Variants in CABLES1 observed in about 807,000 individuals in gnomAD.
CABLES1 encodes CDK5 and ABL1 enzyme substrate 1.
Under a neutral mutation model 57.8 loss-of-function variants are expected in CABLES1, and 36 were observed. The ratio of observed to expected loss-of-function variants is 0.62; its 90% CI spans 0.48 to 0.82. The LOEUF (loss-of-function observed/expected upper bound fraction) is 0.82, where lower values mean the gene tolerates loss of function less well. Among genes scored for constraint, CABLES1 ranks in the 40% least tolerant of loss-of-function variants. The pLI, the probability that CABLES1 is intolerant of heterozygous loss-of-function variation, is 0.00. For missense variants in CABLES1, 767 were observed against 836.6 expected (o/e 0.92, Z 1.03); for synonymous variants, 374 against 363.0 (o/e 1.03, Z -0.35).
chr18:23,194,915 G>T (rs73968819), intron 3 of CABLES1, among the ~76,000 whole-genome samples: 147 of 152,222 alleles, frequency 9.7e-4, no homozygotes, highest in African/African-American at 3.2e-3. Flanking sequence ...TGTGTGCTCT[G>T]GTCAATAAAT....
intron 1 of CABLES1, among the ~76,000 whole-genome samples, chr18:23,173,978 AAAAT>A (rs1295362910): frequency 1.3e-5 from 2 of 152,186 alleles, no homozygotes; most frequent in Non-Finnish European, 2.9e-5. Flanking sequence ...ATAAAAATAA[AAAAT>A]AAAGTTATTG....
In CABLES1 at chr18:23,135,605, G is replaced by A. The variant is rs1457521935; in HGVS notation, c.-158G>A. On this transcript the variant is annotated 5_prime_UTR_variant, in exon 1 of 10. Coordinates refer to ENST00000256925, the MANE Select transcript of CABLES1 (RefSeq NM_001100619.3). ...GCCCCCATCCCCAGCACCGAGGGGC[G>A]AGCATGGCCCGCCCGCGGGGGGGCT... The A allele has an allele frequency of 4.7e-6, 2 of 427,882 alleles. No homozygotes were observed. The highest frequency in any genetic ancestry group is 4.3e-5 in the African/African-American group (2 of 46,162). The allele number at this position is 427,882 out of a possible 1,614,324, so 26.5% of individuals were successfully genotyped here.
chr18:23,141,320 A>G lies in CABLES1; in HGVS notation c.845+4713A>G, dbSNP rs77316528. On this transcript the variant is annotated intron_variant, in intron 1 of 9. Transcript: ENST00000256925. ...TGGAGGAAATCCAGGCTTGTGCTGTAATTGTAATCTATGTCTTGACTGAAA... is the reference window on the plus strand; with the variant it reads ...TGGAGGAAATCCAGGCTTGTGCTGTGATTGTAATCTATGTCTTGACTGAAA... Among the ~76,000 whole-genome samples, 1,482 of 152,290 alleles carry G rather than the reference A, an allele frequency of 9.7e-3. 20 individuals are homozygous for G. The highest frequency in any genetic ancestry group is 0.034 in the African/African-American group (1,431 of 41,552).
rs2046814559 is a variant in CABLES1 at position 23,135,835 on chromosome 18, G to T, written c.73G>T (p.Ala25Ser). 14 of 978,472 alleles carry T rather than the reference G, an allele frequency of 1.4e-5. No individual in the cohort carries two copies. Among genetic ancestry groups the T allele is most frequent in the Non-Finnish European group, 1.7e-5 (14 of 822,220 alleles). 60.6% of individuals were successfully genotyped at this position (978,472 alleles called of 1,614,324 possible). The change falls in exon 1 of 10, where the codon GCC becomes TCC. Residue 25 changes from alanine (A) to serine (S), a missense_variant. This residue lies in a region of CABLES1 where 198 missense variants were observed against 149.7 expected (regional missense o/e 1.32). Coordinates refer to ENST00000256925, the MANE Select transcript of CABLES1 (RefSeq NM_001100619.3). ...CAGCGCCGGCACCGACGCCGCGGGCGCCAGCGGATTGCAGCAGCCGCCGCC... is the reference window on the plus strand; with the variant it reads ...CAGCGCCGGCACCGACGCCGCGGGCTCCAGCGGATTGCAGCAGCCGCCGCC... ...SGSAGTDAAG[A>S]SGLQQPPPQP...
At chr18:23,208,370 G>T (rs1301578720) in intron 3 of CABLES1, among the ~76,000 whole-genome samples, 1 of 152,170 alleles carries the variant, frequency 6.6e-6, no homozygotes, top group Non-Finnish European at 1.5e-5. Flanking sequence ...AGAACATTTT[G>T]TTGGTGGTGG....
chr18:23,157,755 C>G (rs916139505), intron 1 of CABLES1, among the ~76,000 whole-genome samples: 1 of 152,128 alleles, frequency 6.6e-6, no homozygotes, highest in Non-Finnish European at 1.5e-5. Context: ...ATAGTCCCAG[C>G]TACTCTGAAA....
intron 1 of CABLES1, among the ~76,000 whole-genome samples, chr18:23,156,149 G>T (rs890738253): frequency 1.3e-5 from 2 of 151,416 alleles, no homozygotes; most frequent in African/African-American, 4.9e-5. Flanking sequence ...CTGGAACAGA[G>T]GGGGGGCTCC....
intron 1 of CABLES1, among the ~76,000 whole-genome samples, chr18:23,174,873 TG>T (rs1265922368): frequency 7.1e-6 from 1 of 141,006 alleles, no homozygotes; most frequent in Non-Finnish European, 1.5e-5. Context: ...TTTTTTAAAC[TG>T]CAGTAAAATA....
intron 7 of CABLES1, among the ~76,000 whole-genome samples, chr18:23,248,301 A>G (rs1420139617): frequency 6.6e-6 from 1 of 152,096 alleles, no homozygotes; most frequent in Non-Finnish European, 1.5e-5. Flanking sequence ...GTTCAGTTTC[A>G]GTAGTGGTAA....
chr18:23,222,952 T>G (rs1423100912), intron 4 of CABLES1, among the ~76,000 whole-genome samples: 3 of 152,132 alleles, frequency 2.0e-5, no homozygotes, highest in Non-Finnish European at 4.4e-5. Flanking sequence ...TCCCACCCAC[T>G]AGCCAGGTGA....
chr18:23,222,055 G>C (rs1242056976), intron 4 of CABLES1, among the ~76,000 whole-genome samples: 1 of 152,156 alleles, frequency 6.6e-6, no homozygotes, highest in Non-Finnish European at 1.5e-5. Flanking sequence ...CAAAGCCCAG[G>C]AGCTCTGGAT....
intron 1 of CABLES1, among the ~76,000 whole-genome samples, chr18:23,154,291 T>A (rs539417083): frequency 1.4e-3 from 215 of 152,338 alleles, no homozygotes; most frequent in Admixed American, 3.9e-3. Context: ...GTCCATTTGT[T>A]CTTGCTCGGC....
rs142668608 is a variant in CABLES1 at position 23,184,570 on chromosome 18, G to A, written c.846-4268G>A. ...ATACAAAAATTAGCTGGGTGTGGTC[G>A]CGCGCACCTGTAATCCCAGCTACTC... On this transcript the variant is annotated intron_variant, in intron 1 of 9. Coordinates refer to ENST00000256925, the MANE Select transcript of CABLES1 (RefSeq NM_001100619.3). 1.7e-3 allele frequency among the ~76,000 whole-genome samples: 260 copies of A among 152,164 alleles called. 3 individuals are homozygous for A. The highest frequency in any genetic ancestry group is 5.9e-3 in the African/African-American group (244 of 41,506).
In CABLES1 at chr18:23,205,679, C is replaced by A. The variant is rs540554996; in HGVS notation, c.1011-8298C>A. On this transcript the variant is annotated intron_variant, in intron 3 of 9. Transcript: ENST00000256925. ...GAGTAGGACGGGCCCTAATCCAATA[C>A]GACCGATATCCTTATAGAAAGAGGA... 3.3e-5 allele frequency among the ~76,000 whole-genome samples: 5 copies of A among 152,260 alleles called. No individual in the cohort carries two copies. The South Asian group carries it at 1.0e-3, about 32-fold the overall frequency.
intron 4 of CABLES1, among the ~76,000 whole-genome samples, chr18:23,222,665 G>A (rs1345289692): frequency 6.6e-6 from 1 of 151,830 alleles, no homozygotes; most frequent in Non-Finnish European, 1.5e-5. Context: ...AAGGACAGCC[G>A]GACTGCTTCA....
At chr18:23,176,176 T>A (rs974273052) in intron 1 of CABLES1, among the ~76,000 whole-genome samples, 1 of 152,166 alleles carries the variant, frequency 6.6e-6, no homozygotes, top group African/African-American at 2.4e-5. Context: ...GTCCCCAACC[T>A]TTTTTGGCAT....
At chr18:23,248,037 G>C (rs1701755378) in intron 7 of CABLES1, among the ~76,000 whole-genome samples, 1 of 152,204 alleles carries the variant, frequency 6.6e-6, no homozygotes, top group Non-Finnish European at 1.5e-5. Context: ...CTAGGACAAG[G>C]CTGCTTGTAA....
At chr18:23,157,800 G>C (rs569405390) in intron 1 of CABLES1, among the ~76,000 whole-genome samples, 228 of 152,136 alleles carry the variant, frequency 1.5e-3, no homozygotes, top group African/African-American at 5.3e-3. Flanking sequence ...TCCAACCTGG[G>C]CAACAGAGCG....
chr18:23,147,054 C>T lies in CABLES1; in HGVS notation c.845+10447C>T, dbSNP rs544861441. 1.9e-4 allele frequency among the ~76,000 whole-genome samples: 29 copies of T among 152,308 alleles called. No individual in the cohort carries two copies. The South Asian group carries it at 5.0e-3, about 26-fold the overall frequency. ...GGCAAGCCAGCGCCTTCTCATCAAG[C>T]GAGCATGCTGATTTTCACGTGATAA... On this transcript the variant is annotated intron_variant, in intron 1 of 9. Coordinates refer to ENST00000256925, the MANE Select transcript of CABLES1 (RefSeq NM_001100619.3).
Sources: gnomAD v4.1 joint callset for allele counts (sites outside exome capture counted in the v4.1 genomes callset) on GRCh38, gnomAD v4.1.1 for gene constraint, gnomAD v4.1.1 regional missense constraint, MANE v1.5 for transcripts, NCBI Gene and HGNC (gene_info 2026-07-23, HGNC 2026-07-21) for gene names.